Variants in LRRC40 observed in about 807,000 individuals in gnomAD.
LRRC40 encodes the protein leucine-rich repeat-containing protein 40.
A neutral mutation model predicts 72.8 loss-of-function variants in LRRC40; 76 were observed. That is an observed-to-expected ratio of 1.04 (90% CI 0.87 to 1.26). LRRC40 has a LOEUF of 1.26. Among genes scored for constraint, LRRC40 ranks in the 50% most tolerant of loss-of-function variants. The pLI, the probability that LRRC40 is intolerant of heterozygous loss-of-function variation, is 0.00. For missense variants in LRRC40, 684 were observed against 698.9 expected (o/e 0.98, Z 0.24); for synonymous variants, 243 against 254.2 (o/e 0.96, Z 0.42).
chr1:70,146,880 AAG>A (rs1667315116), intron 14 of LRRC40: 1 of 152,324 alleles, frequency 6.6e-6, no homozygotes, highest in South Asian at 2.1e-4. Flanking sequence ...ATCTTCAATT[AAG>A]AGAGGCTTTT....
intron 5 of LRRC40, 75 bp downstream of exon 5, chr1:70,181,011 T>C (rs1047819433): frequency 5.5e-6 from 6 of 1,096,118 alleles, no homozygotes; most frequent in African/African-American, 4.9e-5. Context: ...TCTGTAACTA[T>C]ATTAAAAATT....
In LRRC40 at chr1:70,194,831, A is replaced by C. The variant is rs181077477; in HGVS notation, c.152-5558T>G. On this transcript the variant is annotated intron_variant, in intron 1 of 14. Transcript: ENST00000370952. ...TGATTCCAAGTCTGACCATGAAGCT[A>C]CATTTGTCAAGATAGTGTAGTATTA... 1.2e-4 allele frequency among the ~76,000 whole-genome samples: 18 copies of C among 152,304 alleles called. No homozygotes were observed. In the South Asian group the frequency reaches 1.2e-3, roughly 11 times the overall value.
intron 2 of LRRC40, among the ~76,000 whole-genome samples, chr1:70,188,529 G>A (rs1294784771): frequency 6.6e-6 from 1 of 152,002 alleles, no homozygotes; most frequent in Non-Finnish European, 1.5e-5. Context: ...GAGGACAGGA[G>A]TTCAAGACCA....
At position 70,194,012 on chromosome 1, in the gene LRRC40, TTA is replaced by T. The variant is rs148041007; in HGVS notation, c.152-4741_152-4740del. Reference sequence around the variant, plus strand: ...TGGTGGAAGACGCAGTGCTTTCTCTTTAAAAGAGTATACAAGGCAAGGATGCC... The same window carrying T: ...TGGTGGAAGACGCAGTGCTTTCTCTTAAAGAGTATACAAGGCAAGGATGCC... On this transcript the variant is annotated intron_variant, in intron 1 of 14. Transcript: ENST00000370952. Among the ~76,000 whole-genome samples, 553 of 152,198 alleles carry T rather than the reference TTA, an allele frequency of 3.6e-3. 7 individuals carry two copies. The highest frequency in any genetic ancestry group is 0.013 in the African/African-American group (531 of 41,568).
intron 14 of LRRC40, 106 bp from the exon 15 acceptor site, chr1:70,146,011 A>C (rs1259689050): frequency 5.2e-6 from 3 of 581,624 alleles, no homozygotes; most frequent in Admixed American, 6.5e-5. Flanking sequence ...TTTTTTTTCT[A>C]TTTGCCCCTT....
intron 1 of LRRC40, 24 bp from the exon 2 acceptor site, chr1:70,189,297 GGAA>G: frequency 1.2e-5 from 9 of 770,594 alleles, no homozygotes; most frequent in Non-Finnish European, 1.5e-5. Flanking sequence ...CACCACACCA[GGAA>G]AAAAAAAAAA....
chr1:70,192,665 G>C (rs1298840330), intron 1 of LRRC40, among the ~76,000 whole-genome samples: 1 of 152,068 alleles, frequency 6.6e-6, no homozygotes, highest in Non-Finnish European at 1.5e-5. Context: ...CCTTTTTCAG[G>C]AACATGGATG....
In LRRC40 at chr1:70,175,953, T is replaced by C; in HGVS notation, c.834A>G (p.Glu278=). The C allele has an allele frequency of 6.3e-7, 1 of 1,581,414 alleles. No homozygotes were observed. Among genetic ancestry groups the C allele is most frequent in the Non-Finnish European group, 8.6e-7 (1 of 1,169,012 alleles). ...GTTTAAGATGTTCTGCCTCTAACAT[T>C]TCAATCTGGTTTTCACCTACGTGCA... ...KELHVGENQI[E]MLEAEHLKHL... is the part of the protein sequence containing the mutation. Residue 278 remains glutamate (E), a synonymous_variant, in exon 7 of 15, where the codon GAA becomes GAG. Transcript: ENST00000370952.
chr1:70,186,354 C>A (rs1006711039), intron 3 of LRRC40, among the ~76,000 whole-genome samples: 3 of 152,210 alleles, frequency 2.0e-5, no homozygotes, highest in Admixed American at 2.0e-4. Context: ...CAGGCCACGT[C>A]TATGCCTTTG....
chr1:70,169,711 A>G (rs1204129098), intron 9 of LRRC40, among the ~76,000 whole-genome samples: 1 of 152,194 alleles, frequency 6.6e-6, no homozygotes, highest in African/African-American at 2.4e-5. Flanking sequence ...TCCTAGAAAG[A>G]TAAAAACTAC....
At chr1:70,182,426 T>A (rs1179520555) in intron 4 of LRRC40, among the ~76,000 whole-genome samples, 1 of 152,038 alleles carries the variant, frequency 6.6e-6, no homozygotes, top group South Asian at 2.1e-4. Context: ...AATATTAACA[T>A]TAAAGAAAGT....
chr1:70,198,171 A>C (rs1038127516), intron 1 of LRRC40, among the ~76,000 whole-genome samples: 12 of 152,198 alleles, frequency 7.9e-5, no homozygotes, highest in African/African-American at 2.7e-4. Context: ...CCTAGACCAA[A>C]TTACTTAACT....
intron 1 of LRRC40, 143 bp downstream of exon 1, chr1:70,205,247 A>G (rs1668907653): frequency 2.7e-6 from 2 of 743,916 alleles, no homozygotes; most frequent in South Asian, 6.4e-5. Flanking sequence ...GGTCGAAATG[A>G]GCACAGGGAT....
chr1:70,148,697 T>A, intron 13 of LRRC40, 25 bp from the exon 14 acceptor site: 1 of 1,426,362 alleles, frequency 7.0e-7, no homozygotes, highest in East Asian at 2.3e-5. Context: ...ACAGAACACC[T>A]AAATATACTG....
chr1:70,162,749 T>C (rs529965215), intron 9 of LRRC40, among the ~76,000 whole-genome samples: 1 of 152,324 alleles, frequency 6.6e-6, no homozygotes, highest in East Asian at 1.9e-4. Flanking sequence ...CTGTGAGTGA[T>C]AAACTATGGC....
chr1:70,160,309 GAAT>G (rs1416633654), intron 9 of LRRC40, among the ~76,000 whole-genome samples: 2 of 152,072 alleles, frequency 1.3e-5, no homozygotes, highest in Non-Finnish European at 2.9e-5. Context: ...AACATTTGTT[GAAT>G]ATTACTAAGT....
Position 70,175,935 on chromosome 1 carries a change from A to C in LRRC40, c.852T>G (p.His284Gln). The C allele has an allele frequency of 2.5e-6, 4 of 1,595,898 alleles. No individual in the cohort carries two copies. Among genetic ancestry groups the C allele is most frequent in the Non-Finnish European group, 3.4e-6 (4 of 1,174,550 alleles). ...CAAGAATTGAATTCAGATGTTTAAG[A>C]TGTTCTGCCTCTAACATTTCAATCT... Reference protein sequence around the residue: ...ENQIEMLEAEHLKHLNSILVL... With the variant: ...ENQIEMLEAEQLKHLNSILVL... The change falls in exon 7 of 15, where the codon CAT (histidine) becomes CAG (glutamine). Residue 284 changes from histidine to glutamine, a missense_variant. Coordinates refer to ENST00000370952, the MANE Select transcript of LRRC40 (RefSeq NM_017768.5).
intron 5 of LRRC40, chr1:70,180,519 C>T (rs1196795510): frequency 6.6e-6 from 1 of 152,084 alleles, no homozygotes; most frequent in African/African-American, 2.4e-5. Flanking sequence ...TTGAAGTATA[C>T]TAATTTAAAA....
Position 70,151,343 on chromosome 1 carries a change from G to A in LRRC40, c.1440-138C>T, listed in dbSNP as rs906187617. On this transcript the variant is annotated intron_variant, in intron 12 of 14. Coordinates refer to ENST00000370952, the MANE Select transcript of LRRC40 (RefSeq NM_017768.5). ...CTTGATCTGACTTTATAAAGGCTGA[G>A]TTCTGAGAATTCTGAATCAGTCACC... 1.7e-5 allele frequency: 10 copies of A among 601,324 alleles called. No homozygotes were observed. In the African/African-American group the frequency reaches 1.9e-4, roughly 11 times the overall value. The allele number at this position is 601,324 out of a possible 1,614,324, so 37.2% of individuals were successfully genotyped here. A position where few individuals can be genotyped will look rare whatever the true frequency, so the allele number is the denominator to read the frequency against.
Sources: allele counts gnomAD v4.1 joint callset (sites outside exome capture counted in the v4.1 genomes callset), GRCh38; gene constraint gnomAD v4.1.1; transcripts MANE v1.5; gene names NCBI Gene and HGNC (gene_info 2026-07-23, HGNC 2026-07-21).